TPD52L2: variants seen among roughly 807,000 people sequenced by gnomAD.
TPD52L2 encodes the protein TPD52 like 2.
TPD52L2 carries 19 observed loss-of-function variants against 24.7 expected under a neutral mutation model. The ratio of observed to expected loss-of-function variants is 0.77; its 90% CI spans 0.54 to 1.13. The LOEUF (loss-of-function observed/expected upper bound fraction) is 1.13. TPD52L2 is among the 50% of genes most tolerant of loss of function. TPD52L2 has a pLI of 0.00. For missense variants in TPD52L2, 236 were observed against 250.4 expected, an observed-to-expected ratio of 0.94 and a Z score of 0.39; for synonymous variants, 104 against 100.2, an observed-to-expected ratio of 1.04 and a Z score of -0.23.
At chr20:63,873,903 C>T (rs1372498879) in intron 3 of TPD52L2, 87 bp downstream of exon 3, 1 of 1,382,304 alleles carries the variant, frequency 7.2e-7, no homozygotes, top group East Asian at 2.8e-5. Context: ...GTCGTCATGC[C>T]CAGGGACGAG....
At chr20:63,882,391 C>G (rs931144905) in intron 4 of TPD52L2, among the ~76,000 whole-genome samples, 1 of 152,240 alleles carries the variant, frequency 6.6e-6, no homozygotes, top group Non-Finnish European at 1.5e-5. Flanking sequence ...GACAGGAAAG[C>G]GAGCTTAGTG....
chr20:63,879,379 C>T (rs1259869038), intron 4 of TPD52L2, among the ~76,000 whole-genome samples: 1 of 152,058 alleles, frequency 6.6e-6, no homozygotes, highest in Non-Finnish European at 1.5e-5. Context: ...TGGCCAGGAA[C>T]CCTCAGGACC....
chr20:63,876,964 G>C (rs1394558825), intron 4 of TPD52L2: 1 of 454,956 alleles, frequency 2.2e-6, no homozygotes, highest in East Asian at 7.0e-5. Context: ...GCAGCCAGCT[G>C]TACATCTGGG....
In TPD52L2 at chr20:63,884,472, C is replaced by T. The variant is rs369159998; in HGVS notation, c.476+1652C>T. 4.6e-5 allele frequency among the ~76,000 whole-genome samples: 7 copies of T among 152,200 alleles called. No individual in the cohort carries two copies. The East Asian group carries it at 5.8e-4, about 13-fold the overall frequency. On this transcript the variant is annotated intron_variant, in intron 5 of 6. Transcript: ENST00000346249. ...CATTGTGGTGGAAATCCAAGGGGCA[C>T]GTGGAGCCCTTGGCACTGATTGGAA...
Position 63,877,725 on chromosome 20 carries a change from G to A in TPD52L2, c.374+1850G>A, listed in dbSNP as rs1385407320. Among the ~76,000 whole-genome samples the A allele has an allele frequency of 6.6e-6, 1 of 152,266 alleles. No homozygotes were observed. The highest frequency in any genetic ancestry group is 6.5e-5 in the Admixed American group (1 of 15,290). On this transcript the variant is annotated intron_variant, in intron 4 of 6. Coordinates refer to ENST00000346249, the MANE Select transcript of TPD52L2 (RefSeq NM_003288.4). This position sits in a 1 kb window ranked among gnomAD's most constrained non-coding sequence, Gnocchi z 4.1. ...AGCTTATTACAACACTCAGCGTCCCGACCCCTCTGGAGAAACCTGTGGCTC... is the reference window on the plus strand; with the variant it reads ...AGCTTATTACAACACTCAGCGTCCCAACCCCTCTGGAGAAACCTGTGGCTC...
In TPD52L2 at chr20:63,873,808, C is replaced by A. The variant is rs1375519929; in HGVS notation, c.306C>A (p.Val102=). 6.4e-7 allele frequency: 1 copy of A among 1,555,168 alleles called. No homozygotes were observed. ...CCAGGAGCTGGCATGACGTGCAGGT[C>A]TCTAGCGCGTAGGTACCTGCCCCAG... The part of the protein sequence containing the change: ...NLSRSWHDVQ[V]SSAYVKTSEK... Residue 102 remains valine (V), a synonymous_variant, in exon 3 of 7, where the codon GTC becomes GTA. Coordinates refer to ENST00000346249, the MANE Select transcript of TPD52L2 (RefSeq NM_003288.4).
Position 63,876,933 on chromosome 20 carries a change from C to T in TPD52L2, c.374+1058C>T, listed in dbSNP as rs566478166. 6.4e-4 allele frequency: 275 copies of T among 429,276 alleles called. 2 individuals carry two copies. The highest frequency in any genetic ancestry group is 4.8e-3 in the African/African-American group (198 of 41,566). The allele number at this position is 429,276 out of a possible 1,614,324, so 26.6% of individuals were successfully genotyped here. Reference sequence around the variant, plus strand: ...GCCCTGGGTATTCCAGGGACCCGGGCGGTTTGTGGGCATGGCTACAGCAGC... The same window carrying T: ...GCCCTGGGTATTCCAGGGACCCGGGTGGTTTGTGGGCATGGCTACAGCAGC... On this transcript the variant is annotated intron_variant, in intron 4 of 6. Coordinates refer to ENST00000346249, the MANE Select transcript of TPD52L2 (RefSeq NM_003288.4).
intron 3 of TPD52L2, among the ~76,000 whole-genome samples, chr20:63,875,474 A>G (rs1043759868): frequency 1.3e-5 from 2 of 152,232 alleles, no homozygotes; most frequent in Non-Finnish European, 2.9e-5. Flanking sequence ...GTCCTAGGAC[A>G]TCGTAAGTTT....
chr20:63,877,173 C>A lies in TPD52L2; in HGVS notation c.374+1298C>A, dbSNP rs1357550138. The stretch of plus-strand genomic sequence containing the variant: ...CCCCAGTAGCTGGGACTACAGGCGC[C>A]CGCCACCACGCCCGGCTAATTTTTT... On this transcript the variant is annotated intron_variant, in intron 4 of 6. Transcript: ENST00000346249. The surrounding 1 kb of genome is among the most constrained non-coding windows in gnomAD (Gnocchi z 4.1). The A allele has an allele frequency of 2.9e-6, 1 of 348,598 alleles. No homozygotes were observed. The highest frequency in any genetic ancestry group is 4.0e-5 in the Admixed American group (1 of 24,914). 21.6% of individuals were successfully genotyped at this position (348,598 alleles called of 1,614,324 possible). A position where few individuals can be genotyped will look rare whatever the true frequency, so the allele number is the denominator to read the frequency against.
At chr20:63,867,116 G>A (rs989993789) in intron 1 of TPD52L2, among the ~76,000 whole-genome samples, 1 of 152,054 alleles carries the variant, frequency 6.6e-6, no homozygotes, top group African/African-American at 2.4e-5. Flanking sequence ...ACCATGCCCG[G>A]CTAATTTTGT....
rs1394198187 is a variant in TPD52L2, at chr20:63,877,192, AT to A, written c.374+1323del. 1 of 343,280 alleles carries A rather than the reference AT, an allele frequency of 2.9e-6. No homozygotes were observed. The highest frequency in any genetic ancestry group is 2.2e-5 in the African/African-American group (1 of 45,578). 21.3% of individuals were successfully genotyped at this position (343,280 alleles called of 1,614,324 possible). On this transcript the variant is annotated intron_variant, in intron 4 of 6. Transcript: ENST00000346249. This position sits in a 1 kb window ranked among gnomAD's most constrained non-coding sequence, Gnocchi z 4.1. ...AGGCGCCCGCCACCACGCCCGGCTAATTTTTTCTATTTTTAGTAGAGACAGG... is the reference window on the plus strand; with the variant it reads ...AGGCGCCCGCCACCACGCCCGGCTAATTTTTCTATTTTTAGTAGAGACAGG...
chr20:63,877,015 G>GT lies in TPD52L2; in HGVS notation c.374+1148dup, dbSNP rs1038744002. The GT allele has an allele frequency of 3.8e-5, 17 of 444,878 alleles. No individual in the cohort carries two copies. In the East Asian group the frequency reaches 4.2e-4, roughly 11 times the overall value. The allele number at this position is 444,878 out of a possible 1,614,324, so 27.6% of individuals were successfully genotyped here. Reference sequence around the variant, plus strand: ...GGTGGTTCATGGCATGTTGCCCTGGGTTTTTTTTGTTTGTTTGGTTTTTTT... The same window carrying GT: ...GGTGGTTCATGGCATGTTGCCCTGGGTTTTTTTTTGTTTGTTTGGTTTTTTT... On this transcript the variant is annotated intron_variant, in intron 4 of 6. Coordinates refer to ENST00000346249, the MANE Select transcript of TPD52L2 (RefSeq NM_003288.4). The surrounding 1 kb of genome is among the most constrained non-coding windows in gnomAD (Gnocchi z 4.1).
chr20:63,887,282 T>C (rs925328101), intron 5 of TPD52L2: 2 of 561,600 alleles, frequency 3.6e-6, no homozygotes, highest in Admixed American at 3.1e-5. Flanking sequence ...ACCAAATACT[T>C]TTCAAAAGCC....
chr20:63,876,839 G>C (rs1258432761), intron 4 of TPD52L2: 2 of 455,154 alleles, frequency 4.4e-6, no homozygotes, highest in African/African-American at 4.0e-5. Context: ...CGGGTGGTTC[G>C]TGGGCATGGC....
In TPD52L2 at chr20:63,873,780, T is replaced by G; in HGVS notation, c.278T>G (p.Leu93Arg). 6.3e-7 allele frequency: 1 copy of G among 1,588,840 alleles called. No individual in the cohort carries two copies. The highest frequency in any genetic ancestry group is 2.3e-5 in the East Asian group (1 of 42,866). ...LSTLGELKQN[L>R]SRSWHDVQVS... ...ACCCTGGGGGAGCTGAAACAGAACC[T>G]GTCCAGGAGCTGGCATGACGTGCAG... is the stretch of plus-strand genomic sequence containing the variant. Residue 93 changes from leucine to arginine, a missense_variant, in exon 3 of 7, where the codon CTG (leucine) becomes CGG (arginine). By Grantham distance (102) the Leu-to-Arg change is moderately radical. Transcript: ENST00000346249.
intron 1 of TPD52L2, among the ~76,000 whole-genome samples, chr20:63,865,888 C>T (rs1371797363): frequency 1.3e-5 from 2 of 152,170 alleles, no homozygotes; most frequent in Admixed American, 1.3e-4. Context: ...CGGAGCTCAG[C>T]CTGCTTAGGG....
At chr20:63,880,445 C>G (rs891655194) in intron 4 of TPD52L2, among the ~76,000 whole-genome samples, 4 of 152,048 alleles carry the variant, frequency 2.6e-5, no homozygotes, top group African/African-American at 4.8e-5. Flanking sequence ...TGCAGCTTCC[C>G]CATCCCCACT....
intron 1 of TPD52L2, among the ~76,000 whole-genome samples, chr20:63,868,331 T>A (rs1313186331): frequency 6.6e-6 from 1 of 152,246 alleles, no homozygotes; most frequent in East Asian, 1.9e-4. Context: ...TCTTGTAGAC[T>A]TTTAGGGTAG....
chr20:63,869,021 C>G (rs8116909), intron 1 of TPD52L2, among the ~76,000 whole-genome samples: 1 of 152,176 alleles, frequency 6.6e-6, no homozygotes, highest in Non-Finnish European at 1.5e-5. Flanking sequence ...AGTATTCTCA[C>G]TGGGAAGCCA....
Sources: allele counts gnomAD v4.1 joint callset (sites outside exome capture counted in the v4.1 genomes callset), GRCh38; gene constraint gnomAD v4.1.1; non-coding constraint Gnocchi (gnomAD v3.1); transcripts MANE v1.5; gene names NCBI Gene and HGNC (gene_info 2026-07-23, HGNC 2026-07-21).